Variants in CACNA1D observed in about 807,000 individuals in gnomAD.
CACNA1D encodes voltage-dependent L-type calcium channel subunit alpha-1D.
In CACNA1D, 55 loss-of-function variants were observed where a neutral mutation model predicts 257.1. That is an observed-to-expected ratio of 0.21 (90% confidence interval 0.17 to 0.27). The LOEUF is 0.27. Among genes scored for constraint, CACNA1D ranks in the 10% least tolerant of loss-of-function variants. The pLI is 1.00. For missense variants in CACNA1D, 1,876 were observed against 2,784.0 expected (o/e 0.67, Z 7.34); for synonymous variants, 980 against 1,014.9 (o/e 0.97, Z 0.65).
At position 53,800,397 on chromosome 3, in the gene CACNA1D, C is replaced by T; in HGVS notation, c.5040+32C>T. The T allele has an allele frequency of 7.1e-7, 1 of 1,399,204 alleles. No homozygotes were observed. 86.7% of individuals were successfully genotyped at this position (1,399,204 alleles called of 1,614,324 possible). A position where few individuals can be genotyped will look rare whatever the true frequency, so the allele number is the denominator to read the frequency against. On this transcript the variant is annotated intron_variant, in intron 41 of 47. Coordinates refer to ENST00000350061, the MANE Select transcript of CACNA1D (RefSeq NM_001128840.3). The surrounding 1 kb of genome is among the most constrained non-coding windows in gnomAD (Gnocchi z 4.3). Reference sequence around the variant, plus strand: ...ATTCCACGCCTAGCTACACACTGGCCATCTGGAAATAGCAGGGCAGGACTC... The same window carrying T: ...ATTCCACGCCTAGCTACACACTGGCTATCTGGAAATAGCAGGGCAGGACTC...
chr3:53,546,011 T>C (rs1209178027), intron 3 of CACNA1D, among the ~76,000 whole-genome samples: 1 of 152,144 alleles, frequency 6.6e-6, no homozygotes, highest in Non-Finnish European at 1.5e-5. Context: ...CAAACTGGGC[T>C]TCAGTTTGCA....
intron 3 of CACNA1D, among the ~76,000 whole-genome samples, chr3:53,511,105 G>A (rs1239092581): frequency 6.6e-6 from 1 of 152,086 alleles, no homozygotes; most frequent in African/African-American, 2.4e-5. Flanking sequence ...ATCCAATCCG[G>A]TATGTCTCTG....
chr3:53,775,474 G>A (rs1197204500), intron 34 of CACNA1D, among the ~76,000 whole-genome samples: 1 of 152,120 alleles, frequency 6.6e-6, no homozygotes, highest in African/African-American at 2.4e-5. Flanking sequence ...CTACTGGGGA[G>A]GCTGAGCCCA....
chr3:53,745,541 A>C, intron 23 of CACNA1D, 83 bp from the exon 24 acceptor site: 1 of 864,118 alleles, frequency 1.2e-6, no homozygotes, highest in Non-Finnish European at 2.0e-6. Flanking sequence ...GTGCCTGGCC[A>C]ACACAGAAAC....
chr3:53,734,438 A>T (rs1011272290), intron 19 of CACNA1D, among the ~76,000 whole-genome samples: 1 of 152,094 alleles, frequency 6.6e-6, no homozygotes. Flanking sequence ...ATTTATGTGT[A>T]TGTTTTATAT....
chr3:53,775,202 A>G (rs1342169078), intron 34 of CACNA1D, among the ~76,000 whole-genome samples: 1 of 152,222 alleles, frequency 6.6e-6, no homozygotes, highest in Non-Finnish European at 1.5e-5. Flanking sequence ...CTGACAAGTC[A>G]TTTGCAAGTT....
chr3:53,742,320 C>A (rs1241193297), intron 21 of CACNA1D, among the ~76,000 whole-genome samples: 1 of 152,152 alleles, frequency 6.6e-6, no homozygotes, highest in African/African-American at 2.4e-5. Flanking sequence ...CTTTGGGGAA[C>A]TAAACTCTTT....
intron 4 of CACNA1D, among the ~76,000 whole-genome samples, chr3:53,654,893 G>A (rs527880579): frequency 4.1e-4 from 63 of 152,104 alleles, no homozygotes; most frequent in Non-Finnish European, 5.7e-4. Context: ...AACAGGCAAG[G>A]AAGAAGAAAA....
rs1282796629 is a variant in CACNA1D at position 53,780,507 on chromosome 3, C to A, written c.4690+379C>A. On this transcript the variant is annotated intron_variant, in intron 38 of 47. Coordinates refer to ENST00000350061, the MANE Select transcript of CACNA1D (RefSeq NM_001128840.3). ...ATTTCACTGGTCTGAGCTGTAGTTTCTTTCCCTATGAAAAGGAAATACGGG... is the reference window on the plus strand; with the variant it reads ...ATTTCACTGGTCTGAGCTGTAGTTTATTTCCCTATGAAAAGGAAATACGGG... Among the ~76,000 whole-genome samples the A allele has an allele frequency of 2.0e-5, 3 of 152,340 alleles. No individual in the cohort carries two copies. In the East Asian group the frequency reaches 5.8e-4, roughly 29 times the overall value.
intron 3 of CACNA1D, among the ~76,000 whole-genome samples, chr3:53,625,235 G>A (rs3774483): frequency 0.025 from 3,795 of 152,272 alleles, 124 homozygotes; most frequent in East Asian, 0.083. Flanking sequence ...GAAGGTTAGT[G>A]AGGGCAGCTG....
intron 35 of CACNA1D, 106 bp from the exon 36 acceptor site, chr3:53,776,497 G>T (rs755730520): frequency 6.8e-6 from 9 of 1,330,374 alleles, no homozygotes; most frequent in Non-Finnish European, 9.6e-6. Context: ...TTCTCTTGGA[G>T]ACATGGGTTC....
intron 20 of CACNA1D, among the ~76,000 whole-genome samples, chr3:53,739,561 G>A (rs962817812): frequency 6.6e-6 from 1 of 152,152 alleles, no homozygotes; most frequent in Admixed American, 6.6e-5. Flanking sequence ...AGAGTTGCCT[G>A]GACTGAAAAT....
At position 53,811,246 on chromosome 3, in the gene CACNA1D, G is replaced by C. The variant is rs199761259; in HGVS notation, c.6326G>C (p.Gly2109Ala). 4 of 1,613,916 alleles carry C rather than the reference G, an allele frequency of 2.5e-6. No individual in the cohort carries two copies. Among genetic ancestry groups the C allele is most frequent in the Non-Finnish European group, 3.4e-6 (4 of 1,180,044 alleles). Residue 2109 changes from glycine to alanine, a missense_variant, in exon 48 of 48, where the codon GGG becomes GCG. Gly to Ala is a moderately conservative substitution (Grantham distance 60, BLOSUM62 0). Around this residue, in one of 10 missense-constraint regions of CACNA1D, gnomAD observed 491 missense variants for 554.3 expected, o/e 0.89. Transcript: ENST00000350061. This position sits in a 1 kb window ranked among gnomAD's most constrained non-coding sequence, Gnocchi z 4.2. ...MESAASTLLNGNVRPRANGDV... is the reference protein window; with the variant it reads ...MESAASTLLNANVRPRANGDV... ...AGTGCAGCCAGCACCCTGCTTAATG[G>C]GAACGTGCGTCCCCGAGCCAACGGG...
chr3:53,701,348 G>C (rs537981460), intron 8 of CACNA1D, among the ~76,000 whole-genome samples: 1 of 152,248 alleles, frequency 6.6e-6, no homozygotes, highest in African/African-American at 2.4e-5. Flanking sequence ...TGACCAGGCT[G>C]GTCTCAAACT....
At chr3:53,551,720 C>G (rs1417737230) in intron 3 of CACNA1D, among the ~76,000 whole-genome samples, 1 of 152,182 alleles carries the variant, frequency 6.6e-6, no homozygotes, top group Non-Finnish European at 1.5e-5. Flanking sequence ...GAAAGAAGGT[C>G]CAAAGCAAAA....
intron 3 of CACNA1D, among the ~76,000 whole-genome samples, chr3:53,605,710 G>A (rs917222172): frequency 3.9e-5 from 6 of 152,168 alleles, no homozygotes; most frequent in South Asian, 2.1e-4. Context: ...GAACTTTTAC[G>A]AATGTCCTGT....
At chr3:53,692,654 C>T (rs1388151551) in intron 8 of CACNA1D, among the ~76,000 whole-genome samples, 1 of 152,188 alleles carries the variant, frequency 6.6e-6, no homozygotes, top group Non-Finnish European at 1.5e-5. Context: ...TGGTGGATAA[C>T]TCAACCTAGT....
At position 53,786,843 on chromosome 3, in the gene CACNA1D, A is replaced by G. The variant is rs1413595255; in HGVS notation, c.4814A>G (p.Lys1605Arg). Reference sequence around the variant, plus strand: ...TTAGATGATGAGGTAACCGTGGGGAAGTTCTATGCCACTTTCCTGATACAG... The same window carrying G: ...TTAGATGATGAGGTAACCGTGGGGAGGTTCTATGCCACTTTCCTGATACAG... ...PAGDDEVTVG[K>R]FYATFLIQDY... The change falls in exon 40 of 48, where the codon AAG becomes AGG. Residue 1605 changes from lysine to arginine, a missense_variant. Transcript: ENST00000350061. 8 of 1,613,554 alleles carry G rather than the reference A, an allele frequency of 5.0e-6. No homozygotes were observed. Among genetic ancestry groups the G allele is most frequent in the Non-Finnish European group, 6.8e-6 (8 of 1,179,624 alleles).
At position 53,738,507 on chromosome 3, in the gene CACNA1D, T is replaced by A. The variant is rs1048105879; in HGVS notation, c.2752-1773T>A. Among the ~76,000 whole-genome samples the A allele has an allele frequency of 5.3e-5, 8 of 152,240 alleles. 1 individual carries two copies. Among genetic ancestry groups the A allele is most frequent in the Admixed American group, 1.3e-4 (2 of 15,278 alleles). On this transcript the variant is annotated intron_variant, in intron 20 of 47. Coordinates refer to ENST00000350061, the MANE Select transcript of CACNA1D (RefSeq NM_001128840.3). ...AAAAAAAGGACACAAGGGCAGTGTT[T>A]GGAAAAAAACAGCATTAGGTGACAA...
Sources: allele counts gnomAD v4.1 joint callset (sites outside exome capture counted in the v4.1 genomes callset), GRCh38; gene constraint gnomAD v4.1.1; regional missense constraint gnomAD v4.1.1; non-coding constraint Gnocchi (gnomAD v3.1); transcripts MANE v1.5; gene names NCBI Gene and HGNC (gene_info 2026-07-23, HGNC 2026-07-21).